FANCL: variants seen among roughly 807,000 people sequenced by gnomAD.
FANCL encodes the protein E3 ubiquitin-protein ligase FANCL.
Under a neutral mutation model 59.4 loss-of-function variants are expected in FANCL, and 69 were observed. The ratio of observed to expected loss-of-function variants is 1.16; its 90% confidence interval spans 0.96 to 1.42. The LOEUF is 1.42. Ranked by LOEUF, FANCL falls within the 40% of genes most tolerant of loss-of-function variation. FANCL has a pLI of 0.00. For missense variants in FANCL, 519 were observed against 447.2 expected (o/e 1.16, Z -1.45); for synonymous variants, 180 against 147.1 (o/e 1.22, Z -1.62).
intron 7 of FANCL, among the ~76,000 whole-genome samples, chr2:58,177,566 G>C (rs1687466659): frequency 7.0e-6 from 1 of 143,752 alleles, no homozygotes; most frequent in Non-Finnish European, 1.5e-5. Context: ...TCACTCATAG[G>C]TGGGAATTGA....
chr2:58,208,833 A>G (rs755328491), intron 5 of FANCL, among the ~76,000 whole-genome samples: 5 of 152,180 alleles, frequency 3.3e-5, no homozygotes, highest in Non-Finnish European at 7.4e-5. Context: ...ATTTTTAATC[A>G]TATCAATCCC....
At chr2:58,159,875 T>C in intron 13 of FANCL, 75 bp from the exon 14 acceptor site, 7 of 1,593,534 alleles carry the variant, frequency 4.4e-6, no homozygotes, top group African/African-American at 1.3e-5. Flanking sequence ...CTAGAAATAG[T>C]GTCATAGAAT....
chr2:58,214,969 C>A lies in FANCL; in HGVS notation c.374+6973G>T, dbSNP rs543557039. On this transcript the variant is annotated intron_variant, in intron 5 of 13. Coordinates refer to ENST00000233741, the MANE Select transcript of FANCL (RefSeq NM_018062.4). Reference sequence around the variant, plus strand: ...ATTTTTCTTATTGCACTTCTCTCAACCATGTCAGATCCACTGAGGTAGGCT... The same window carrying A: ...ATTTTTCTTATTGCACTTCTCTCAAACATGTCAGATCCACTGAGGTAGGCT... Among the ~76,000 whole-genome samples the A allele has an allele frequency of 1.4e-4, 22 of 152,324 alleles. No homozygotes were observed. The South Asian group carries it at 4.6e-3, about 32-fold the overall frequency.
At chr2:58,200,678 C>A (rs1046298122) in intron 6 of FANCL, among the ~76,000 whole-genome samples, 1 of 151,828 alleles carries the variant, frequency 6.6e-6, no homozygotes, top group African/African-American at 2.4e-5. Context: ...TAAGATACTA[C>A]ATTCAAGTAG....
Position 58,165,782 on chromosome 2 carries a change from G to C in FANCL, c.633C>G (p.Thr211=). 1.2e-6 allele frequency: 2 copies of C among 1,613,960 alleles called. No individual in the cohort carries two copies. The highest frequency in any genetic ancestry group is 1.7e-6 in the Non-Finnish European group (2 of 1,179,956). Reference sequence around the variant, plus strand: ...GAGGTTTTTCTGGCTCAAGTACCCAGGTCTTCTCATCGATTTCATCCATAA... The same window carrying C: ...GAGGTTTTTCTGGCTCAAGTACCCACGTCTTCTCATCGATTTCATCCATAA... ...WDVMDEIDEK[T]WVLEPEKPPR... The change falls in exon 8 of 14, where the codon ACC becomes ACG. Residue 211 remains threonine, a synonymous_variant. Coordinates refer to ENST00000233741, the MANE Select transcript of FANCL (RefSeq NM_018062.4).
chr2:58,164,041 T>C (rs1685605919), intron 8 of FANCL, among the ~76,000 whole-genome samples: 1 of 152,024 alleles, frequency 6.6e-6, no homozygotes, highest in Non-Finnish European at 1.5e-5. Flanking sequence ...AACTTTCCCT[T>C]ATAATTTAAC....
intron 1 of FANCL, among the ~76,000 whole-genome samples, chr2:58,240,203 G>C (rs1558835368): frequency 6.6e-6 from 1 of 151,574 alleles, no homozygotes; most frequent in Non-Finnish European, 1.5e-5. Flanking sequence ...AATTCAAGAA[G>C]AATACTTCTA....
intron 7 of FANCL, among the ~76,000 whole-genome samples, chr2:58,178,125 A>G (rs2691672): frequency 0.72 from 109,195 of 151,936 alleles, 40,345 homozygotes; most frequent in African/African-American, 0.9. Context: ...AAAAGCCCAG[A>G]ACCACACAGA....
chr2:58,191,285 T>C (rs1688894093), intron 7 of FANCL, among the ~76,000 whole-genome samples: 1 of 151,906 alleles, frequency 6.6e-6, no homozygotes, highest in South Asian at 2.1e-4. Flanking sequence ...CAAAAGTATT[T>C]TAAAATATTG....
intron 7 of FANCL, among the ~76,000 whole-genome samples, chr2:58,172,022 T>A (rs1237989925): frequency 1.3e-5 from 2 of 152,154 alleles, no homozygotes; most frequent in Non-Finnish European, 2.9e-5. Context: ...AAGATCAAAC[T>A]GCAAGGTGGC....
chr2:58,209,383 T>A (rs1690908794), intron 5 of FANCL, among the ~76,000 whole-genome samples: 1 of 152,226 alleles, frequency 6.6e-6, no homozygotes, highest in South Asian at 2.1e-4. Context: ...AAACATGATT[T>A]TTTTTTTACT....
chr2:58,204,566 T>C (rs918499180), intron 5 of FANCL, among the ~76,000 whole-genome samples: 2 of 152,116 alleles, frequency 1.3e-5, no homozygotes, highest in African/African-American at 2.4e-5. Flanking sequence ...CACATTAAAC[T>C]TCCTGTCAAA....
chr2:58,211,411 TC>T (rs1226397094), intron 5 of FANCL, among the ~76,000 whole-genome samples: 1 of 152,124 alleles, frequency 6.6e-6, no homozygotes, highest in African/African-American at 2.4e-5. Context: ...GCCCACTTTT[TC>T]CTCCTACACC....
intron 4 of FANCL, among the ~76,000 whole-genome samples, chr2:58,224,104 AATTTT>A (rs1692738139): frequency 6.6e-6 from 1 of 151,796 alleles, no homozygotes; most frequent in Non-Finnish European, 1.5e-5. Context: ...GAGATCTCAA[AATTTT>A]ATTTTAGTTT....
chr2:58,226,759 A>G lies in FANCL; in HGVS notation c.242T>C (p.Met81Thr). ...CATCTTCAACTCCATCATAAAGCTC[A>G]TTAGATCAGGAGAGTGCTGCATTCT... ...QQRMQHSPDL[M>T]SFMMELKMLL... Residue 81 changes from methionine (M) to threonine (T), a missense_variant, in exon 4 of 14, where the codon ATG (methionine) becomes ACG (threonine). Coordinates refer to ENST00000233741, the MANE Select transcript of FANCL (RefSeq NM_018062.4). 3 of 1,613,602 alleles carry G rather than the reference A, an allele frequency of 1.9e-6. No homozygotes were observed. Among genetic ancestry groups the G allele is most frequent in the Non-Finnish European group, 2.5e-6 (3 of 1,179,702 alleles).
intron 4 of FANCL, among the ~76,000 whole-genome samples, chr2:58,225,685 T>C (rs946204750): frequency 6.6e-6 from 1 of 152,044 alleles, no homozygotes; most frequent in African/African-American, 2.4e-5. Flanking sequence ...CTGAAGCCTC[T>C]AGATCTAACT....
rs1157342222 is a variant in FANCL at position 58,233,719 on chromosome 2, T to A, written c.97-1607A>T. 2.0e-5 allele frequency among the ~76,000 whole-genome samples: 3 copies of A among 151,890 alleles called. No homozygotes were observed. In the East Asian group the frequency reaches 5.8e-4, roughly 29 times the overall value. On this transcript the variant is annotated intron_variant, in intron 1 of 13. Transcript: ENST00000233741. The stretch of plus-strand genomic sequence containing the variant: ...GAAAAAAAATGCATGGGAGAGAGAC[T>A]GGGAGGACTAAGTAAGTGTAAAAAA...
At chr2:58,230,265 T>C (rs1249470002) in intron 2 of FANCL, among the ~76,000 whole-genome samples, 2 of 152,212 alleles carry the variant, frequency 1.3e-5, no homozygotes, top group African/African-American at 4.8e-5. Flanking sequence ...AATATTATCT[T>C]CAAATTCCCG....
rs577071498 is a variant in FANCL at position 58,236,415 on chromosome 2, G to C, written c.97-4303C>G. 4.0e-5 allele frequency among the ~76,000 whole-genome samples: 6 copies of C among 151,184 alleles called. No homozygotes were observed. In the South Asian group the frequency reaches 6.2e-4, roughly 16 times the overall value. The stretch of plus-strand genomic sequence containing the variant: ...GGAATCCTAATATTACGTTAAGGCA[G>C]ACCATGATAGATTTAATATGTATAT... On this transcript the variant is annotated intron_variant, in intron 1 of 13. Transcript: ENST00000233741.
Sources: gnomAD v4.1 joint callset for allele counts (sites outside exome capture counted in the v4.1 genomes callset) on GRCh38, gnomAD v4.1.1 for gene constraint, MANE v1.5 for transcripts, NCBI Gene and HGNC (gene_info 2026-07-23, HGNC 2026-07-21) for gene names.